The following UBE2K variants were observed in gnomAD, a reference collection of about 807,000 sequenced individuals.
The protein encoded by UBE2K is ubiquitin conjugating enzyme E2 K.
A neutral mutation model predicts 30.0 loss-of-function variants in UBE2K; 6 were observed. The ratio of observed to expected loss-of-function variants is 0.20; its 90% CI spans 0.11 to 0.39. The LOEUF is 0.39. Ranked by LOEUF, UBE2K falls within the 10% of genes least tolerant of loss-of-function variation. The probability of loss-of-function intolerance (pLI) is 1.00; values close to 1 mark genes in which losing one functional copy is unlikely to be tolerated. For synonymous variants in UBE2K, 86 were observed against 83.7 expected (o/e 1.03, Z -0.15); for missense variants, 61 against 241.6 (o/e 0.25, Z 4.96).
intron 4 of UBE2K, among the ~76,000 whole-genome samples, chr4:39,766,977 C>T (rs999055722): frequency 1.3e-5 from 2 of 152,074 alleles, no homozygotes; most frequent in African/African-American, 4.8e-5. Flanking sequence ...TCTCGAACTC[C>T]TGACCTCAGG....
rs375768913 is a variant in UBE2K at position 39,735,934 on chromosome 4, G to C, written c.64-1486G>C. Among the ~76,000 whole-genome samples, 8 of 152,000 alleles carry C rather than the reference G, an allele frequency of 5.3e-5. No homozygotes were observed. The South Asian group carries it at 1.2e-3, about 24-fold the overall frequency. On this transcript the variant is annotated intron_variant, in intron 1 of 6. Transcript: ENST00000261427. ...GTGATGTGAACTTTGAAAAATATGG[G>C]TTTTAAGTCATGTATTGTTTATGAA...
At chr4:39,760,488 A>C (rs1197690555) in intron 4 of UBE2K, among the ~76,000 whole-genome samples, 4 of 152,248 alleles carry the variant, frequency 2.6e-5, no homozygotes, top group Non-Finnish European at 5.9e-5. Flanking sequence ...TATCATTGAC[A>C]CAAACAACAT....
At chr4:39,756,640 A>T (rs1721529556) in intron 4 of UBE2K, among the ~76,000 whole-genome samples, 1 of 151,962 alleles carries the variant, frequency 6.6e-6, no homozygotes, top group South Asian at 2.1e-4. Context: ...TTTTTTAGAG[A>T]CAGGGTTCCT....
intron 1 of UBE2K, among the ~76,000 whole-genome samples, chr4:39,734,528 TAC>T: frequency 6.6e-6 from 1 of 152,128 alleles, no homozygotes; most frequent in East Asian, 1.9e-4. Flanking sequence ...CTGGATGCGG[TAC>T]CTCACACCTG....
intron 2 of UBE2K, among the ~76,000 whole-genome samples, chr4:39,738,785 C>T (rs1416640727): frequency 6.6e-6 from 1 of 152,000 alleles, no homozygotes; most frequent in Admixed American, 6.6e-5. Context: ...TCAAGTGATT[C>T]TCCTGCCTTA....
At chr4:39,717,656 G>A (rs28651273) in intron 1 of UBE2K, among the ~76,000 whole-genome samples, 19,711 of 152,234 alleles carry the variant, frequency 0.13, 1,382 homozygotes, top group East Asian at 0.22. Context: ...CCTTTATACT[G>A]TTGTTCTTGT....
Position 39,778,960 on chromosome 4 carries a change from T to C in UBE2K, c.*526T>C, listed in dbSNP as rs1349908966. On this transcript the variant is annotated 3_prime_UTR_variant, in exon 7 of 7. Coordinates refer to ENST00000261427, the MANE Select transcript of UBE2K (RefSeq NM_005339.5). ...ATTTGAGAATTCTTAAATATGAAAT[T>C]TATTCAGAATTGAAGATGGTGACCT... 3 of 152,774 alleles carry C rather than the reference T, an allele frequency of 2.0e-5. No individual in the cohort carries two copies. The East Asian group carries it at 5.8e-4, about 29-fold the overall frequency. 9.5% of individuals were successfully genotyped at this position (152,774 alleles called of 1,614,324 possible).
At chr4:39,760,647 C>G (rs2109385533) in intron 4 of UBE2K, among the ~76,000 whole-genome samples, 1 of 152,236 alleles carries the variant, frequency 6.6e-6, no homozygotes, top group Non-Finnish European at 1.5e-5. Flanking sequence ...CCTGTAATCC[C>G]AGCACTTTGG....
intron 1 of UBE2K, among the ~76,000 whole-genome samples, chr4:39,724,721 GA>G (rs1466955571): frequency 6.6e-6 from 1 of 151,130 alleles, no homozygotes; most frequent in African/African-American, 2.4e-5. Context: ...AATGAGCTGA[GA>G]TGGCGCCACT....
At chr4:39,757,047 CAG>C (rs748083880) in intron 4 of UBE2K, among the ~76,000 whole-genome samples, 54 of 102,218 alleles carry the variant, frequency 5.3e-4, no homozygotes, top group Non-Finnish European at 9.1e-4. Flanking sequence ...TTTTTTGAGA[CAG>C]AGTTTCACTC....
intron 1 of UBE2K, among the ~76,000 whole-genome samples, chr4:39,701,732 A>G (rs1490675217): frequency 6.6e-6 from 1 of 151,998 alleles, no homozygotes; most frequent in Non-Finnish European, 1.5e-5. Context: ...AATTAACTTT[A>G]AGATGTACTT....
At chr4:39,774,985 C>G (rs1197397998) in intron 5 of UBE2K, 52 bp downstream of exon 5, 3 of 1,285,448 alleles carry the variant, frequency 2.3e-6, no homozygotes, top group Non-Finnish European at 3.3e-6. Context: ...GAGTCTCTAG[C>G]CACTTCAGTG....
chr4:39,765,020 T>G (rs1286662951), intron 4 of UBE2K, among the ~76,000 whole-genome samples: 1 of 151,998 alleles, frequency 6.6e-6, no homozygotes, highest in Non-Finnish European at 1.5e-5. Context: ...TGAGCAGCTG[T>G]GACTACAGGC....
In UBE2K at chr4:39,782,307, T is replaced by A. The variant is rs1246112580; in HGVS notation, c.*3873T>A. 4.2e-6 allele frequency: 1 copy of A among 240,580 alleles called. No individual in the cohort carries two copies. Among genetic ancestry groups the A allele is most frequent in the Non-Finnish European group, 7.9e-6 (1 of 126,032 alleles). 14.9% of individuals were successfully genotyped at this position (240,580 alleles called of 1,614,324 possible). On this transcript the variant is annotated 3_prime_UTR_variant, in exon 7 of 7. Transcript: ENST00000261427. ...TGCTGTTACCTACTTTTTACAGGCA[T>A]CATAATAAAAGCTAGACTATTTCTT...
chr4:39,729,167 C>A (rs1719936692), intron 1 of UBE2K, among the ~76,000 whole-genome samples: 3 of 151,856 alleles, frequency 2.0e-5, no homozygotes, highest in Admixed American at 2.0e-4. Flanking sequence ...GGCGGGGTTT[C>A]ACCATGTTGG....
intron 1 of UBE2K, among the ~76,000 whole-genome samples, chr4:39,699,035 A>G (rs1403990744): frequency 6.6e-6 from 1 of 152,222 alleles, no homozygotes; most frequent in Non-Finnish European, 1.5e-5. Context: ...TTAATTCCAA[A>G]TAAGATAATT....
intron 4 of UBE2K, among the ~76,000 whole-genome samples, chr4:39,766,155 TTGTGTGTGTTTTTGTC>T (rs926401892): frequency 1.1e-4 from 16 of 152,192 alleles, no homozygotes; most frequent in Admixed American, 9.8e-4. Context: ...TCTGTGTTTT[TTGTGTGTGTTTTTGTC>T]TGTGTGTGTT....
chr4:39,758,785 C>T (rs1711669052), intron 4 of UBE2K, among the ~76,000 whole-genome samples: 1 of 152,018 alleles, frequency 6.6e-6, no homozygotes, highest in Non-Finnish European at 1.5e-5. Flanking sequence ...TAATTATCTT[C>T]CTATATAGCT....
At chr4:39,744,548 C>T (rs901493805) in intron 2 of UBE2K, among the ~76,000 whole-genome samples, 3 of 152,018 alleles carry the variant, frequency 2.0e-5, no homozygotes, top group Admixed American at 6.6e-5. Context: ...AAGTTGCCTT[C>T]TGTTTGTATA....
Sources: gnomAD v4.1 joint callset for allele counts (sites outside exome capture counted in the v4.1 genomes callset) on GRCh38, gnomAD v4.1.1 for gene constraint, MANE v1.5 for transcripts, NCBI Gene and HGNC (gene_info 2026-07-23, HGNC 2026-07-21) for gene names.